RBMS3: variants seen among roughly 807,000 people sequenced by gnomAD.
RBMS3 encodes the protein RNA binding motif single stranded interacting protein 3, also known as RNA-binding motif, single-stranded-interacting protein 3.
RBMS3 carries 27 observed loss-of-function variants against 66.8 expected under a neutral mutation model. That is an observed-to-expected ratio of 0.40 (90% CI 0.30 to 0.56). RBMS3 has a LOEUF of 0.56. Ranked by LOEUF, RBMS3 falls within the 20% of genes least tolerant of loss-of-function variation. The probability of loss-of-function intolerance (pLI) is 0.40; values close to 1 mark genes in which losing one functional copy is unlikely to be tolerated. For synonymous variants in RBMS3, 188 were observed against 183.0 expected (o/e 1.03, Z -0.22); for missense variants, 513 against 549.5 (o/e 0.93, Z 0.66).
chr3:29,880,622 A>C (rs13317200), intron 7 of RBMS3, among the ~76,000 whole-genome samples: 1,630 of 152,304 alleles, frequency 0.011, 23 homozygotes, highest in African/African-American at 0.038. Context: ...CATGAAGTGG[A>C]AACCAGGTGT....
intron 1 of RBMS3, among the ~76,000 whole-genome samples, chr3:29,354,770 G>A (rs2037122373): frequency 6.6e-6 from 1 of 152,106 alleles, no homozygotes; most frequent in Non-Finnish European, 1.5e-5. Flanking sequence ...GTGTATTCTT[G>A]CCCAGATGAT....
chr3:29,657,405 G>A (rs1026877362), intron 4 of RBMS3, among the ~76,000 whole-genome samples: 26 of 152,074 alleles, frequency 1.7e-4, no homozygotes, highest in African/African-American at 6.3e-4. Context: ...TATACTAACT[G>A]CATTCTCCAC....
intron 4 of RBMS3, among the ~76,000 whole-genome samples, chr3:29,647,690 G>A (rs1377326981): frequency 2.6e-5 from 4 of 152,168 alleles, no homozygotes; most frequent in Admixed American, 2.0e-4. Context: ...TTAAATACAT[G>A]TGTAGGCAAA....
intron 1 of RBMS3, among the ~76,000 whole-genome samples, chr3:29,419,649 A>C (rs2040621744): frequency 6.6e-6 from 1 of 152,220 alleles, no homozygotes; most frequent in African/African-American, 2.4e-5. Context: ...TGGTAATATA[A>C]TGAGCTGTAA....
At chr3:29,330,421 TA>T (rs1258747785) in intron 1 of RBMS3, among the ~76,000 whole-genome samples, 1 of 152,198 alleles carries the variant, frequency 6.6e-6, no homozygotes, top group Non-Finnish European at 1.5e-5. Context: ...TATTTTAAAC[TA>T]AACTACTTTA....
chr3:29,535,339 T>G (rs2149000484), intron 3 of RBMS3, among the ~76,000 whole-genome samples: 1 of 152,308 alleles, frequency 6.6e-6, no homozygotes, highest in East Asian at 1.9e-4. Context: ...AAATGCATCA[T>G]TCTGTAATCT....
chr3:29,483,601 T>C (rs1397948749), intron 2 of RBMS3, among the ~76,000 whole-genome samples: 1 of 152,182 alleles, frequency 6.6e-6, no homozygotes, highest in East Asian at 1.9e-4. Context: ...ACCACTTACT[T>C]TGAGTATATC....
intron 6 of RBMS3, among the ~76,000 whole-genome samples, chr3:29,784,397 C>A (rs2056747250): frequency 6.6e-6 from 1 of 152,050 alleles, no homozygotes; most frequent in African/African-American, 2.4e-5. Flanking sequence ...CAAAACCATG[C>A]AATTACATGG....
chr3:29,291,461 G>A lies in RBMS3; in HGVS notation c.75+9705G>A, dbSNP rs376511936. Among the ~76,000 whole-genome samples the A allele has an allele frequency of 1.0e-3, 157 of 152,028 alleles. 3 individuals carry two copies. Among genetic ancestry groups the A allele is most frequent in the South Asian group, 0.01 (49 of 4,828 alleles). On this transcript the variant is annotated intron_variant, in intron 1 of 14. Coordinates refer to ENST00000383767, the MANE Select transcript of RBMS3 (RefSeq NM_001003793.3). ...CCTTTGGCACTGAGAGCAACTGGGA[G>A]TTCCAGATCTGGGTGCCAGGTTCAC...
chr3:29,654,151 G>A (rs1485662450), intron 4 of RBMS3, among the ~76,000 whole-genome samples: 2 of 152,060 alleles, frequency 1.3e-5, no homozygotes. Context: ...TAGACAGAAC[G>A]TTGAAATGAA....
intron 10 of RBMS3, among the ~76,000 whole-genome samples, chr3:29,929,894 C>T (rs894076922): frequency 5.9e-5 from 9 of 151,776 alleles, no homozygotes; most frequent in Non-Finnish European, 8.8e-5. Flanking sequence ...TAGTTTGCCC[C>T]ATTTCCAAAA....
At chr3:29,828,159 G>A (rs149363219) in intron 6 of RBMS3, among the ~76,000 whole-genome samples, 2,330 of 152,084 alleles carry the variant, frequency 0.015, 27 homozygotes, top group Non-Finnish European at 0.022. Context: ...TCTATTAGCC[G>A]TGCTGTCCTG....
intron 2 of RBMS3, among the ~76,000 whole-genome samples, chr3:29,438,970 C>G (rs1013318053): frequency 3.3e-5 from 5 of 152,112 alleles, no homozygotes; most frequent in African/African-American, 1.2e-4. Flanking sequence ...GCAAAGGTAT[C>G]TCTGAGGAAG....
intron 3 of RBMS3, among the ~76,000 whole-genome samples, chr3:29,505,252 T>C (rs1269014662): frequency 3.3e-5 from 5 of 151,920 alleles, no homozygotes; most frequent in Non-Finnish European, 5.9e-5. Flanking sequence ...GAAATAAAGG[T>C]CTAATTTCAT....
At chr3:29,676,964 C>T (rs533766975) in intron 4 of RBMS3, among the ~76,000 whole-genome samples, 68 of 152,182 alleles carry the variant, frequency 4.5e-4, no homozygotes, top group African/African-American at 7.7e-4. Context: ...GCAGGCTGTA[C>T]GGGAAGCATG....
chr3:29,894,368 C>T (rs2060073394), intron 8 of RBMS3, among the ~76,000 whole-genome samples: 1 of 151,454 alleles, frequency 6.6e-6, no homozygotes, highest in Non-Finnish European at 1.5e-5. Context: ...CAGACATGCA[C>T]CACCATGCCC....
chr3:29,685,721 T>G (rs2051702675), intron 4 of RBMS3, among the ~76,000 whole-genome samples: 1 of 152,168 alleles, frequency 6.6e-6, no homozygotes, highest in African/African-American at 2.4e-5. Flanking sequence ...ATGTAATATT[T>G]GTTTGAGAGC....
chr3:29,698,228 C>T (rs2052370495), intron 4 of RBMS3: 4 of 985,296 alleles, frequency 4.1e-6, no homozygotes, highest in African/African-American at 1.7e-5. Flanking sequence ...CCAGAAAGTT[C>T]TGAGTAATGC....
intron 1 of RBMS3, among the ~76,000 whole-genome samples, chr3:29,356,514 A>G (rs1472417095): frequency 1.3e-5 from 2 of 152,200 alleles, no homozygotes; most frequent in African/African-American, 4.8e-5. Flanking sequence ...AAAACTAGCC[A>G]GAATGTGATA....
Sources: allele counts gnomAD v4.1 joint callset (sites outside exome capture counted in the v4.1 genomes callset), GRCh38; gene constraint gnomAD v4.1.1; transcripts MANE v1.5; gene names NCBI Gene and HGNC (gene_info 2026-07-23, HGNC 2026-07-21).